The following NBEAL1 variants were observed in gnomAD, a reference collection of about 807,000 sequenced individuals.
NBEAL1 encodes neurobeachin-like protein 1.
In NBEAL1, 273 loss-of-function variants were observed where a neutral mutation model predicts 351.3. The observed-to-expected ratio is 0.78, with a 90% confidence interval of 0.70 to 0.86. The LOEUF (loss-of-function observed/expected upper bound fraction) is 0.86, where lower values mean the gene tolerates loss of function less well. Ranked by LOEUF, NBEAL1 falls within the 40% of genes least tolerant of loss-of-function variation. The probability of loss-of-function intolerance (pLI) is 0.00; values close to 1 mark genes in which losing one functional copy is unlikely to be tolerated. For synonymous variants in NBEAL1, 1,050 were observed against 1,086.4 expected (o/e 0.97, Z 0.66); for missense variants, 2,961 against 3,201.3 (o/e 0.92, Z 1.81).
intron 10 of NBEAL1, among the ~76,000 whole-genome samples, chr2:203,093,908 T>G (rs993833920): frequency 6.6e-6 from 1 of 152,076 alleles, no homozygotes; most frequent in African/African-American, 2.4e-5. Context: ...CCTTCCCTGC[T>G]GGCCGTAATA....
chr2:203,138,585 T>C (rs375443871), intron 30 of NBEAL1, 35 bp from the exon 31 acceptor site: 2 of 1,551,766 alleles, frequency 1.3e-6, no homozygotes, highest in Non-Finnish European at 1.7e-6. Flanking sequence ...AAAAACTGAA[T>C]GTTTTTATTT....
chr2:203,141,362 TATTA>T (rs1274168599), intron 31 of NBEAL1, among the ~76,000 whole-genome samples: 14 of 74,808 alleles, frequency 1.9e-4, no homozygotes, highest in African/African-American at 5.5e-4. Context: ...TTATTATTAT[TATTA>T]TTTTTTTTTT....
At chr2:203,070,671 T>C (rs2061667450) in intron 7 of NBEAL1, among the ~76,000 whole-genome samples, 1 of 152,146 alleles carries the variant, frequency 6.6e-6, no homozygotes, top group African/African-American at 2.4e-5. Flanking sequence ...TCAGGAGCTT[T>C]TACTTACTGC....
intron 44 of NBEAL1, among the ~76,000 whole-genome samples, chr2:203,186,457 A>C (rs968912007): frequency 2.0e-5 from 3 of 152,166 alleles, no homozygotes; most frequent in Non-Finnish European, 4.4e-5. Context: ...AGCAGTCACA[A>C]ATACAAATAC....
intron 31 of NBEAL1, among the ~76,000 whole-genome samples, chr2:203,143,002 C>T (rs1356642406): frequency 6.6e-6 from 1 of 152,148 alleles, no homozygotes; most frequent in Non-Finnish European, 1.5e-5. Context: ...CCTGCAAAGA[C>T]CTGTGTGTAC....
At chr2:203,057,559 A>C (rs758509593) in intron 6 of NBEAL1, 106 bp downstream of exon 6, 882 of 869,384 alleles carry the variant, frequency 1.0e-3, no homozygotes, top group Non-Finnish European at 1.4e-3. Flanking sequence ...GAAGTATATA[A>C]GACCCACAGA....
At chr2:203,030,784 T>C (rs10209661) in intron 2 of NBEAL1, among the ~76,000 whole-genome samples, 1 of 152,138 alleles carries the variant, frequency 6.6e-6, no homozygotes, top group Non-Finnish European at 1.5e-5. Context: ...CCCAGCACTT[T>C]GGGAGACTGA....
chr2:203,036,654 C>A (rs2061044147), intron 2 of NBEAL1, among the ~76,000 whole-genome samples: 1 of 148,910 alleles, frequency 6.7e-6, no homozygotes, highest in African/African-American at 2.4e-5. Flanking sequence ...GGCAGATATT[C>A]AAAAAATTGT....
At position 203,112,436 on chromosome 2, in the gene NBEAL1, T is replaced by C. The variant is rs115618911; in HGVS notation, c.2202+338T>C. Reference sequence around the variant, plus strand: ...TGAATTACGTAAGAGAATATTATGATGGACTCTTCTAACTTGATTATAATT... The same window carrying C: ...TGAATTACGTAAGAGAATATTATGACGGACTCTTCTAACTTGATTATAATT... On this transcript the variant is annotated intron_variant, in intron 16 of 55. Coordinates refer to ENST00000683969, the MANE Select transcript of NBEAL1 (RefSeq NM_001378026.1). 4.5e-3 allele frequency among the ~76,000 whole-genome samples: 690 copies of C among 152,360 alleles called. 2 individuals are homozygous for C. The highest frequency in any genetic ancestry group is 0.014 in the South Asian group (70 of 4,834).
chr2:203,020,921 TTTTG>T (rs1177926405), intron 2 of NBEAL1, among the ~76,000 whole-genome samples: 5 of 152,126 alleles, frequency 3.3e-5, no homozygotes, highest in African/African-American at 7.2e-5. Context: ...GTATACAGTT[TTTTG>T]TTTGTTTGTT....
intron 38 of NBEAL1, 30 bp downstream of exon 38, chr2:203,167,390 A>T: frequency 6.4e-7 from 1 of 1,560,682 alleles, no homozygotes; most frequent in Non-Finnish European, 8.7e-7. Flanking sequence ...GAAATCCCAA[A>T]ATGCTAGCTT....
chr2:203,046,566 G>A (rs1274926085), intron 3 of NBEAL1, among the ~76,000 whole-genome samples: 1 of 152,124 alleles, frequency 6.6e-6, no homozygotes, highest in African/African-American at 2.4e-5. Flanking sequence ...AAGCTGGGAA[G>A]TCTAAGATTA....
chr2:203,110,119 TA>T (rs2062531803), intron 14 of NBEAL1, 30 bp from the exon 15 acceptor site: 1 of 1,535,002 alleles, frequency 6.5e-7, no homozygotes, highest in South Asian at 1.2e-5. Flanking sequence ...CAACCAACTT[TA>T]AAAGTTCTGA....
rs1013940229 is a variant in NBEAL1 at position 203,175,150 on chromosome 2, T to C, written c.6327T>C (p.Tyr2109=). 1.2e-5 allele frequency: 20 copies of C among 1,609,606 alleles called. No homozygotes were observed. The highest frequency in any genetic ancestry group is 2.2e-5 in the East Asian group (1 of 44,784). The change falls in exon 42 of 56, where the codon TAT becomes TAC. Residue 2109 remains tyrosine, a synonymous_variant. Coordinates refer to ENST00000683969, the MANE Select transcript of NBEAL1 (RefSeq NM_001378026.1). ...EKNAKAMREK[Y]ENFEDPMGTI... is the part of the protein sequence containing the mutation. ...CTTTAGGATTTTTTCCCCACAGATATGAAAATTTTGAGGATCCTATGGGAA... is the reference window on the plus strand; with the variant it reads ...CTTTAGGATTTTTTCCCCACAGATACGAAAATTTTGAGGATCCTATGGGAA...
At chr2:203,029,670 C>T (rs536463044) in intron 2 of NBEAL1, among the ~76,000 whole-genome samples, 32 of 120,380 alleles carry the variant, frequency 2.7e-4, no homozygotes, top group Non-Finnish European at 4.6e-4. Context: ...TCAGCCTGGG[C>T]AATAGAGTGA....
intron 11 of NBEAL1, 38 bp downstream of exon 11, chr2:203,097,671 C>A: frequency 1.3e-6 from 1 of 791,670 alleles, no homozygotes; most frequent in Non-Finnish European, 1.5e-6. Flanking sequence ...AGCTGAAGTC[C>A]AAAATCAGCC....
chr2:203,119,959 A>G (rs1333860538), intron 18 of NBEAL1, among the ~76,000 whole-genome samples: 1 of 152,168 alleles, frequency 6.6e-6, no homozygotes, highest in Non-Finnish European at 1.5e-5. Context: ...GAGGTATTTA[A>G]TCATTCATTT....
chr2:203,191,025 C>G lies in NBEAL1; in HGVS notation c.6921+636C>G. On this transcript the variant is annotated intron_variant, in intron 46 of 55. Transcript: ENST00000683969. ...TGCCTTCTGCCTCTGCCCTGATCAT[C>G]AAAGCCCTCAAGGAACCACCAAGAG... 6 of 1,602,076 alleles carry G rather than the reference C, an allele frequency of 3.7e-6. No individual in the cohort carries two copies. The South Asian group carries it at 4.4e-5, about 12-fold the overall frequency.
intron 39 of NBEAL1, among the ~76,000 whole-genome samples, chr2:203,170,853 A>G (rs2064296666): frequency 6.6e-6 from 1 of 152,208 alleles, no homozygotes; most frequent in African/African-American, 2.4e-5. Context: ...AGGATAATTA[A>G]TGTAATGTTT....
Sources: gnomAD v4.1 joint callset for allele counts (sites outside exome capture counted in the v4.1 genomes callset) on GRCh38, gnomAD v4.1.1 for gene constraint, MANE v1.5 for transcripts, NCBI Gene and HGNC (gene_info 2026-07-23, HGNC 2026-07-21) for gene names.